E2F3: variants seen among roughly 807,000 people sequenced by gnomAD.
E2F3 encodes E2F transcription factor 3.
E2F3 carries 11 observed loss-of-function variants against 44.4 expected under a neutral mutation model. The ratio of observed to expected loss-of-function variants is 0.25; its 90% CI spans 0.16 to 0.41. The LOEUF is 0.41. Among genes scored for constraint, E2F3 ranks in the 10% least tolerant of loss-of-function variants. The pLI, the probability that E2F3 is intolerant of heterozygous loss-of-function variation, is 1.00. For missense variants in E2F3, 487 were observed against 583.6 expected (o/e 0.83, Z 1.70); for synonymous variants, 249 against 253.0 (o/e 0.98, Z 0.15).
In E2F3 at chr6:20,406,118, C is replaced by T. The variant is rs527692985; in HGVS notation, c.393+3493C>T. Among the ~76,000 whole-genome samples the T allele has an allele frequency of 5.3e-5, 8 of 152,260 alleles. No homozygotes were observed. The South Asian group carries it at 1.7e-3, about 32-fold the overall frequency. On this transcript the variant is annotated intron_variant, in intron 1 of 6. Coordinates refer to ENST00000346618, the MANE Select transcript of E2F3 (RefSeq NM_001949.5). ...TTGCAGACCTATCTGGTTCTGATCC[C>T]AAGTTCTGTCTCAAGAATATCTAAG...
chr6:20,434,274 C>T (rs1172102594), intron 1 of E2F3, among the ~76,000 whole-genome samples: 1 of 152,050 alleles, frequency 6.6e-6, no homozygotes, highest in African/African-American at 2.4e-5. Context: ...AAGGGAGCAC[C>T]ATCGTTAAAA....
intron 1 of E2F3, among the ~76,000 whole-genome samples, chr6:20,451,287 T>C (rs531115103): frequency 6.6e-6 from 1 of 152,164 alleles, no homozygotes; most frequent in East Asian, 1.9e-4. Flanking sequence ...GAGATCTTTC[T>C]AGTGTATTCC....
chr6:20,424,772 C>G (rs1388034361), intron 1 of E2F3, among the ~76,000 whole-genome samples: 1 of 152,064 alleles, frequency 6.6e-6, no homozygotes, highest in Non-Finnish European at 1.5e-5. Context: ...TTTCTTTCAT[C>G]TGATACAACA....
intron 1 of E2F3, among the ~76,000 whole-genome samples, chr6:20,465,772 CA>C (rs1402922367): frequency 6.6e-6 from 1 of 152,068 alleles, no homozygotes; most frequent in Non-Finnish European, 1.5e-5. Flanking sequence ...CTGCAAATGC[CA>C]TTAATTCATT....
chr6:20,437,291 T>TA (rs1356995517), intron 1 of E2F3, among the ~76,000 whole-genome samples: 3 of 152,220 alleles, frequency 2.0e-5, no homozygotes, highest in African/African-American at 4.8e-5. Context: ...GGCATCAATT[T>TA]AAAAGAAGTA....
intron 1 of E2F3, among the ~76,000 whole-genome samples, chr6:20,449,871 A>G (rs1455888226): frequency 6.6e-6 from 1 of 152,102 alleles, no homozygotes; most frequent in Non-Finnish European, 1.5e-5. Flanking sequence ...AACATGCAGT[A>G]TATGGTTTTC....
chr6:20,434,166 T>G (rs780681278), intron 1 of E2F3, among the ~76,000 whole-genome samples: 4 of 152,224 alleles, frequency 2.6e-5, no homozygotes, highest in Non-Finnish European at 5.9e-5. Flanking sequence ...AAATGATCTT[T>G]TGGTTAAGAC....
At chr6:20,462,458 CTT>C (rs111956411) in intron 1 of E2F3, among the ~76,000 whole-genome samples, 4 of 139,418 alleles carry the variant, frequency 2.9e-5, no homozygotes, top group Admixed American at 7.3e-5. Context: ...TTCACTAATT[CTT>C]TTTTTTTTTT....
At chr6:20,443,795 A>G (rs954499131) in intron 1 of E2F3, among the ~76,000 whole-genome samples, 15 of 152,296 alleles carry the variant, frequency 9.8e-5, no homozygotes, top group African/African-American at 2.9e-4. Flanking sequence ...CAAAAGAAAA[A>G]TTATTTGAGA....
chr6:20,491,300 T>G lies in E2F3; in HGVS notation c.*870T>G, dbSNP rs1220825052. The stretch of plus-strand genomic sequence containing the variant: ...GCACCCATCACCATTTCAATTTAAT[T>G]GTTTACTTTGAAGCGGTTTTTGCAA... On this transcript the variant is annotated 3_prime_UTR_variant, in exon 7 of 7. Transcript: ENST00000346618. 4.3e-6 allele frequency: 1 copy of G among 230,256 alleles called. No individual in the cohort carries two copies. Among genetic ancestry groups the G allele is most frequent in the Non-Finnish European group, 8.6e-6 (1 of 115,858 alleles). 14.3% of individuals were successfully genotyped at this position (230,256 alleles called of 1,614,324 possible). A position where few individuals can be genotyped will look rare whatever the true frequency, so the allele number is the denominator to read the frequency against.
chr6:20,443,855 A>G (rs1760852619), intron 1 of E2F3, among the ~76,000 whole-genome samples: 1 of 152,196 alleles, frequency 6.6e-6, no homozygotes, highest in African/African-American at 2.4e-5. Flanking sequence ...TTAAAAGTTA[A>G]CTATTGCATT....
intron 1 of E2F3, among the ~76,000 whole-genome samples, chr6:20,439,719 G>C (rs771327072): frequency 1.3e-5 from 2 of 152,118 alleles, no homozygotes; most frequent in Non-Finnish European, 2.9e-5. Flanking sequence ...TCTTTGTAGA[G>C]AGGGGTCTCA....
intron 1 of E2F3, among the ~76,000 whole-genome samples, chr6:20,447,940 TCA>T (rs1362301530): frequency 1.3e-5 from 2 of 152,178 alleles, no homozygotes; most frequent in African/African-American, 4.8e-5. Flanking sequence ...TTGCCCAAGG[TCA>T]CACAGTGGGT....
At chr6:20,471,870 T>A (rs920332132) in intron 1 of E2F3, among the ~76,000 whole-genome samples, 1 of 152,202 alleles carries the variant, frequency 6.6e-6, no homozygotes, top group Admixed American at 6.5e-5. Context: ...TCAGGCCTTT[T>A]TCTCTATGGA....
chr6:20,408,705 G>T (rs1382295491), intron 1 of E2F3, among the ~76,000 whole-genome samples: 1 of 152,142 alleles, frequency 6.6e-6, no homozygotes, highest in East Asian at 1.9e-4. Flanking sequence ...CTAAGGCAGG[G>T]GTTTATGTCA....
At chr6:20,487,409 A>C (rs1258351051) in intron 5 of E2F3, among the ~76,000 whole-genome samples, 1 of 152,226 alleles carries the variant, frequency 6.6e-6, no homozygotes, top group Non-Finnish European at 1.5e-5. Context: ...TTACCTTAAA[A>C]GATAATAATA....
At chr6:20,480,604 G>A (rs1305526840) in intron 2 of E2F3, among the ~76,000 whole-genome samples, 1 of 152,190 alleles carries the variant, frequency 6.6e-6, no homozygotes, top group Non-Finnish European at 1.5e-5. Flanking sequence ...CACCTATGGG[G>A]GAACAAGTAC....
At chr6:20,431,224 C>G (rs543110414) in intron 1 of E2F3, among the ~76,000 whole-genome samples, 2 of 152,278 alleles carry the variant, frequency 1.3e-5, no homozygotes, top group South Asian at 4.1e-4. Context: ...CTGGATGCCA[C>G]TATCATTACA....
intron 1 of E2F3, 93 bp from the exon 2 acceptor site, chr6:20,479,753 C>A: frequency 3.9e-6 from 4 of 1,018,484 alleles, no homozygotes; most frequent in South Asian, 2.9e-5. Context: ...CTGGCATGAG[C>A]CTGCAGCATT....
Sources: gnomAD v4.1 joint callset for allele counts (sites outside exome capture counted in the v4.1 genomes callset) on GRCh38, gnomAD v4.1.1 for gene constraint, MANE v1.5 for transcripts, NCBI Gene and HGNC (gene_info 2026-07-23, HGNC 2026-07-21) for gene names.